Variants in PXYLP1 observed in about 807,000 individuals in gnomAD.
PXYLP1 encodes the protein acid phosphatase-like 2.
In PXYLP1, 17 loss-of-function variants were observed where a neutral mutation model predicts 37.9. That is an observed-to-expected ratio of 0.45 (90% CI 0.31 to 0.67). The LOEUF is 0.67. Ranked by LOEUF, PXYLP1 falls within the 30% of genes least tolerant of loss-of-function variation. The probability of loss-of-function intolerance (pLI) is 0.07; values close to 1 mark genes in which losing one functional copy is unlikely to be tolerated. For missense variants in PXYLP1, 511 were observed against 612.0 expected, an observed-to-expected ratio of 0.84 and a Z score of 1.74; for synonymous variants, 221 against 232.2, an observed-to-expected ratio of 0.95 and a Z score of 0.44.
chr3:141,275,875 T>A (rs756045359), intron 2 of PXYLP1, among the ~76,000 whole-genome samples: 1 of 152,140 alleles, frequency 6.6e-6, no homozygotes, highest in East Asian at 1.9e-4. Context: ...TACATTAATA[T>A]GTGCTTACTA....
intron 2 of PXYLP1, among the ~76,000 whole-genome samples, chr3:141,265,760 A>T (rs1445745110): frequency 6.6e-6 from 1 of 152,168 alleles, no homozygotes; most frequent in Admixed American, 6.5e-5. Flanking sequence ...ACTCATCTCC[A>T]TCTGGGATAA....
intron 2 of PXYLP1, chr3:141,274,270 C>A (rs1941736939): frequency 1.5e-6 from 2 of 1,308,334 alleles, no homozygotes; most frequent in East Asian, 3.2e-5. Context: ...AGCCCGGGGT[C>A]TGCTCCTCCA....
chr3:141,257,700 G>A lies in PXYLP1; in HGVS notation c.-53-2423G>A, dbSNP rs147092106. Among the ~76,000 whole-genome samples the A allele has an allele frequency of 9.9e-3, 1,510 of 152,044 alleles. 25 individuals carry two copies. The highest frequency in any genetic ancestry group is 0.035 in the African/African-American group (1,440 of 41,480). ...GCAGATCACCTGAGATCAGGAGTTC[G>A]AGACCAGCCTGGCCAATGTGGTGAA... is the stretch of plus-strand genomic sequence containing the variant. On this transcript the variant is annotated intron_variant, in intron 1 of 5. Transcript: ENST00000286353.
At chr3:141,252,871 G>A (rs1022708472) in intron 1 of PXYLP1, among the ~76,000 whole-genome samples, 5 of 152,200 alleles carry the variant, frequency 3.3e-5, no homozygotes, top group African/African-American at 9.6e-5. Flanking sequence ...GCGGCAAAGT[G>A]CAAAATGTTC....
intron 2 of PXYLP1, 83 bp from the exon 3 acceptor site, chr3:141,278,259 T>A: frequency 2.7e-6 from 4 of 1,500,662 alleles, no homozygotes; most frequent in Non-Finnish European, 3.7e-6. Flanking sequence ...CTCCTCAAAG[T>A]GAAATCCAGC....
chr3:141,236,876 T>C (rs1032892319), intron 1 of PXYLP1, among the ~76,000 whole-genome samples: 54 of 152,290 alleles, frequency 3.5e-4, no homozygotes, highest in Non-Finnish European at 5.1e-4. Context: ...AACATAGATA[T>C]AAATATGAAC....
chr3:141,240,659 CT>C (rs1037302935), intron 1 of PXYLP1, among the ~76,000 whole-genome samples: 4 of 152,140 alleles, frequency 2.6e-5, no homozygotes, highest in African/African-American at 9.7e-5. Context: ...CTGCCCCCTC[CT>C]CCCCCCAAAA....
chr3:141,292,900 G>A lies in PXYLP1; in HGVS notation c.1138G>A (p.Val380Ile), dbSNP rs188165694. The change falls in exon 6 of 6, where the codon GTC becomes ATC. Residue 380 changes from valine (V) to isoleucine (I), a missense_variant. By Grantham distance (29) the Val-to-Ile change is conservative. Transcript: ENST00000286353. This position sits in a 1 kb window ranked among gnomAD's most constrained non-coding sequence, Gnocchi z 4.3. ...ELFALYSAHD[V>I]TLSPVLSALG... ...CTTTGCCCTCTACTCTGCTCATGAT[G>A]TCACTCTGTCACCAGTTCTCAGTGC... 4 of 1,614,172 alleles carry A rather than the reference G, an allele frequency of 2.5e-6. No individual in the cohort carries two copies. The African/African-American group carries it at 4.0e-5, about 16-fold the overall frequency.
At position 141,287,730 on chromosome 3, in the gene PXYLP1, A is replaced by G. The variant is rs541206517; in HGVS notation, c.505+277A>G. ...AAAAAGTTTAAGCAACCGTAATTCC[A>G]CCACAGAAATAGACCCTTAAGAGTA... On this transcript the variant is annotated intron_variant, in intron 5 of 5. Coordinates refer to ENST00000286353, the MANE Select transcript of PXYLP1 (RefSeq NM_001037172.3). Among the ~76,000 whole-genome samples the G allele has an allele frequency of 2.0e-5, 3 of 152,358 alleles. No individual in the cohort carries two copies. The South Asian group carries it at 6.2e-4, about 32-fold the overall frequency.
intron 1 of PXYLP1, among the ~76,000 whole-genome samples, chr3:141,248,431 T>C (rs1228451808): frequency 6.6e-6 from 1 of 151,670 alleles, no homozygotes; most frequent in East Asian, 1.9e-4. Flanking sequence ...GTAACAGTGC[T>C]CTTAGCTCTA....
intron 1 of PXYLP1, among the ~76,000 whole-genome samples, chr3:141,249,577 C>T (rs868775590): frequency 2.0e-5 from 3 of 149,656 alleles, no homozygotes; most frequent in African/African-American, 5.0e-5. Flanking sequence ...TTAATCCTCT[C>T]GTGCTTTCTT....
intron 2 of PXYLP1, among the ~76,000 whole-genome samples, chr3:141,263,906 C>T (rs1037319955): frequency 6.6e-6 from 1 of 152,242 alleles, no homozygotes; most frequent in African/African-American, 2.4e-5. Flanking sequence ...AGAGTTCCGT[C>T]ATAGTGCACC....
At chr3:141,257,032 A>G (rs1361675255) in intron 1 of PXYLP1, among the ~76,000 whole-genome samples, 1 of 152,262 alleles carries the variant, frequency 6.6e-6, no homozygotes, top group Admixed American at 6.5e-5. Context: ...AAAACTAAAT[A>G]TAGCTGTTTT....
intron 1 of PXYLP1, among the ~76,000 whole-genome samples, chr3:141,243,731 A>G (rs1287060407): frequency 6.6e-6 from 1 of 152,206 alleles, no homozygotes; most frequent in Non-Finnish European, 1.5e-5. Context: ...AGCTGCTGCT[A>G]AGTGGGGCAC....
At chr3:141,272,880 A>G (rs1941700011) in intron 2 of PXYLP1, 1 of 763,142 alleles carries the variant, frequency 1.3e-6, no homozygotes, top group African/African-American at 1.9e-5. Context: ...CACTGACTCA[A>G]ATGTAAATCT....
At chr3:141,236,096 C>T (rs1940652307) in intron 1 of PXYLP1, among the ~76,000 whole-genome samples, 1 of 152,226 alleles carries the variant, frequency 6.6e-6, no homozygotes, top group Non-Finnish European at 1.5e-5. Flanking sequence ...GGCCCACAGT[C>T]ATCTGTGCAT....
intron 4 of PXYLP1, among the ~76,000 whole-genome samples, chr3:141,279,727 T>G (rs1428420372): frequency 6.6e-6 from 1 of 152,206 alleles, no homozygotes; most frequent in Admixed American, 6.5e-5. Context: ...CAGGCCAGTC[T>G]GAGGCTCACC....
intron 1 of PXYLP1, among the ~76,000 whole-genome samples, chr3:141,256,505 G>A (rs1941265290): frequency 6.6e-6 from 1 of 152,248 alleles, no homozygotes; most frequent in South Asian, 2.1e-4. Context: ...GTTGGACACA[G>A]GCACGTGCAC....
At position 141,247,684 on chromosome 3, in the gene PXYLP1, C is replaced by T. The variant is rs13316639; in HGVS notation, c.-53-12439C>T. On this transcript the variant is annotated intron_variant, in intron 1 of 5. Transcript: ENST00000286353. ...ACAGTACCCAAGCAGTAACTCCATG[C>T]GCCTTGTAAGAGAACTACAAAAACA... Among the ~76,000 whole-genome samples the T allele has an allele frequency of 5.2e-3, 798 of 152,312 alleles. 15 individuals are homozygous for T. The highest frequency in any genetic ancestry group is 0.052 in the East Asian group (269 of 5,186).
Sources: gnomAD v4.1 joint callset for allele counts (sites outside exome capture counted in the v4.1 genomes callset) on GRCh38, gnomAD v4.1.1 for gene constraint, Gnocchi (gnomAD v3.1) non-coding constraint, MANE v1.5 for transcripts, NCBI Gene and HGNC (gene_info 2026-07-23, HGNC 2026-07-21) for gene names.